The following PCDHGA3 variants were observed in gnomAD, a reference collection of about 807,000 sequenced individuals.
PCDHGA3 encodes the protein protocadherin gamma subfamily A, 3, also known as protocadherin gamma-A3.
In PCDHGA3, 40 loss-of-function variants were observed where a neutral mutation model predicts 58.5. The ratio of observed to expected loss-of-function variants is 0.68; its 90% CI spans 0.53 to 0.89. The LOEUF (loss-of-function observed/expected upper bound fraction) is 0.89, where lower values mean the gene tolerates loss of function less well. Among genes scored for constraint, PCDHGA3 ranks in the 40% least tolerant of loss-of-function variants. PCDHGA3 has a pLI of 0.00. For synonymous variants in PCDHGA3, 530 were observed against 525.7 expected (o/e 1.01, Z -0.11); for missense variants, 1,223 against 1,195.9 (o/e 1.02, Z -0.33).
chr5:141,438,998 C>A (rs932958148), intron 1 of PCDHGA3, among the ~76,000 whole-genome samples: 7 of 151,836 alleles, frequency 4.6e-5, no homozygotes, highest in Non-Finnish European at 1.0e-4. Flanking sequence ...GGCTAAGGAC[C>A]TGGTTTGTTT....
chr5:141,402,324 A>G (rs895598623), intron 1 of PCDHGA3, among the ~76,000 whole-genome samples: 2 of 152,012 alleles, frequency 1.3e-5, no homozygotes, highest in Admixed American at 1.3e-4. Context: ...TTTTACATTT[A>G]CAAATATATA....
chr5:141,413,559 T>A, intron 1 of PCDHGA3: 1 of 1,613,862 alleles, frequency 6.2e-7, no homozygotes. Flanking sequence ...TAGAAGTAAC[T>A]GATATCAATG....
intron 1 of PCDHGA3, chr5:141,427,889 G>A: frequency 1.3e-6 from 2 of 1,566,516 alleles, no homozygotes; most frequent in Non-Finnish European, 1.7e-6. Context: ...CCCACGACCA[G>A]GGCTCGCCCG....
At chr5:141,421,579 T>A (rs753573473) in intron 1 of PCDHGA3, 1 of 1,613,934 alleles carries the variant, frequency 6.2e-7, no homozygotes, top group Non-Finnish European at 8.5e-7. Flanking sequence ...CTTGAAGATT[T>A]ACGGAGTGGA....
chr5:141,360,822 A>C, intron 1 of PCDHGA3: 2 of 1,613,994 alleles, frequency 1.2e-6, no homozygotes, highest in Non-Finnish European at 1.7e-6. Flanking sequence ...CCCAAATCCG[A>C]ATCAAAGTCA....
intron 1 of PCDHGA3, chr5:141,421,621 C>T (rs2154549322): frequency 6.2e-7 from 1 of 1,613,772 alleles, no homozygotes; most frequent in Non-Finnish European, 8.5e-7. Flanking sequence ...TGATAACGCC[C>T]CCAGCTTCCA....
chr5:141,388,723 C>T, intron 1 of PCDHGA3: 1 of 1,614,018 alleles, frequency 6.2e-7, no homozygotes, highest in Non-Finnish European at 8.5e-7. Flanking sequence ...ATTACTTTCT[C>T]TTTCAGTGAA....
intron 1 of PCDHGA3, chr5:141,378,704 G>A (rs1775100637): frequency 6.6e-6 from 1 of 152,054 alleles, no homozygotes. Flanking sequence ...AGACAATAAG[G>A]CTTTCATCAT....
intron 1 of PCDHGA3, chr5:141,360,810 G>A: frequency 6.2e-7 from 1 of 1,613,878 alleles, no homozygotes; most frequent in East Asian, 2.2e-5. Context: ...AAAGTGGCAC[G>A]ACCCAAATCC....
intron 3 of PCDHGA3, among the ~76,000 whole-genome samples, chr5:141,506,473 G>A (rs976701500): frequency 2.7e-4 from 40 of 150,506 alleles, no homozygotes; most frequent in Admixed American, 1.5e-3. Flanking sequence ...AAAGAGCACA[G>A]GCTTTAGAGG....
Position 141,491,994 on chromosome 5 carries a change from C to T in PCDHGA3, c.2425-2813C>T. On this transcript the variant is annotated intron_variant, in intron 1 of 3. Transcript: ENST00000253812. This position sits in a 1 kb window ranked among gnomAD's most constrained non-coding sequence, Gnocchi z 6.9. ...CCTCCTTCGAGCTTCCGGTGAATTT[C>T]GGGCGATTTCCGCGGGTGTCGGGGG... The T allele has an allele frequency of 4.3e-6, 3 of 693,016 alleles. No individual in the cohort carries two copies. The allele number at this position is 693,016 out of a possible 1,614,324, so 42.9% of individuals were successfully genotyped here.
At position 141,346,398 on chromosome 5, in the gene PCDHGA3, G is replaced by A. The variant is rs1757748400; in HGVS notation, c.2365G>A (p.Glu789Lys). ...LISQESCEKS[E>K]PLLITQDLLE... ...CAGCCAGGAGAGCTGTGAGAAAAGC[G>A]AGCCTCTTCTGATAACTCAGGATTT... Residue 789 changes from glutamate to lysine, a missense_variant, in exon 1 of 4, where the codon GAG becomes AAG. This residue lies in a region of PCDHGA3 where 325 missense variants were observed against 327.5 expected (regional missense o/e 0.99). Transcript: ENST00000253812. 1.9e-6 allele frequency: 3 copies of A among 1,614,242 alleles called. No individual in the cohort carries two copies. Among genetic ancestry groups the A allele is most frequent in the South Asian group, 1.1e-5 (1 of 91,088 alleles).
At chr5:141,380,404 C>T (rs972826552) in intron 1 of PCDHGA3, among the ~76,000 whole-genome samples, 3 of 152,146 alleles carry the variant, frequency 2.0e-5, no homozygotes, top group Middle Eastern at 6.3e-3. Flanking sequence ...ATAATCAATT[C>T]GATGCCCAGG....
intron 1 of PCDHGA3, chr5:141,359,969 T>G: frequency 3.0e-6 from 2 of 675,724 alleles, no homozygotes; most frequent in Non-Finnish European, 4.4e-6. Context: ...GAGAAGCGTT[T>G]GGGAGCCTCT....
chr5:141,506,516 G>A (rs2099854579), intron 3 of PCDHGA3, among the ~76,000 whole-genome samples: 1 of 151,324 alleles, frequency 6.6e-6, no homozygotes, highest in Non-Finnish European at 1.5e-5. Flanking sequence ...CTGGCACCTG[G>A]CACCACCACT....
chr5:141,475,721 G>C (rs867365261), intron 1 of PCDHGA3, among the ~76,000 whole-genome samples: 5 of 152,248 alleles, frequency 3.3e-5, no homozygotes, highest in Non-Finnish European at 7.3e-5. Context: ...ACAGCCCCAA[G>C]GCTGGCTTTC....
chr5:141,478,736 T>C (rs2099474016), intron 1 of PCDHGA3: 1 of 1,534,678 alleles, frequency 6.5e-7, no homozygotes, highest in African/African-American at 1.4e-5. Flanking sequence ...GTGTGGTTTG[T>C]GGTCCCATTT....
chr5:141,357,523 T>C, intron 1 of PCDHGA3: 1 of 1,614,170 alleles, frequency 6.2e-7, no homozygotes, highest in Non-Finnish European at 8.5e-7. Context: ...CCAACCCAGC[T>C]ATGCAGACAC....
At position 141,493,356 on chromosome 5, in the gene PCDHGA3, C is replaced by A. The variant is rs1303319550; in HGVS notation, c.2425-1451C>A. Among the ~76,000 whole-genome samples, 1 of 152,182 alleles carries A rather than the reference C, an allele frequency of 6.6e-6. No individual in the cohort carries two copies. The highest frequency in any genetic ancestry group is 2.4e-5 in the African/African-American group (1 of 41,438). On this transcript the variant is annotated intron_variant, in intron 1 of 3. Transcript: ENST00000253812. This position sits in a 1 kb window ranked among gnomAD's most constrained non-coding sequence, Gnocchi z 4.3. ...ACTCCAGAATGTGTGCTTTTAATTT[C>A]TTGGCACTTGGAACTTTAAAAGCTT...
Sources: gnomAD v4.1 joint callset for allele counts (sites outside exome capture counted in the v4.1 genomes callset) on GRCh38, gnomAD v4.1.1 for gene constraint, gnomAD v4.1.1 regional missense constraint, Gnocchi (gnomAD v3.1) non-coding constraint, MANE v1.5 for transcripts, NCBI Gene and HGNC (gene_info 2026-07-23, HGNC 2026-07-21) for gene names.